The following VEGFC variants were observed in gnomAD, a reference collection of about 807,000 sequenced individuals.
VEGFC encodes the protein FLT4 ligand DHM.
Under a neutral mutation model 46.1 loss-of-function variants are expected in VEGFC, and 12 were observed. That is an observed-to-expected ratio of 0.26 (90% CI 0.17 to 0.42). VEGFC has a LOEUF of 0.42. VEGFC is among the 10% of genes least tolerant of loss of function. VEGFC has a pLI of 1.00. For synonymous variants in VEGFC, 232 were observed against 195.5 expected (o/e 1.19, Z -1.56); for missense variants, 488 against 529.4 (o/e 0.92, Z 0.77).
chr4:176,778,680 C>T (rs6552194), intron 1 of VEGFC, among the ~76,000 whole-genome samples: 15,647 of 152,054 alleles, frequency 0.1, 1,958 homozygotes, highest in African/African-American at 0.29. Flanking sequence ...ATTTACCTCT[C>T]AATTACCACA....
intron 1 of VEGFC, among the ~76,000 whole-genome samples, chr4:176,759,277 T>C (rs1735486742): frequency 6.6e-6 from 1 of 152,104 alleles, no homozygotes; most frequent in Non-Finnish European, 1.5e-5. Flanking sequence ...AAAGGTACTT[T>C]GTTCAACCAT....
At chr4:176,709,180 A>G (rs192490874) in intron 4 of VEGFC, among the ~76,000 whole-genome samples, 26 of 152,330 alleles carry the variant, frequency 1.7e-4, no homozygotes, top group Admixed American at 5.9e-4. Flanking sequence ...ACAAGCATTT[A>G]TGTACATTAT....
intron 1 of VEGFC, among the ~76,000 whole-genome samples, chr4:176,738,975 A>G (rs916134421): frequency 6.6e-6 from 1 of 151,246 alleles, no homozygotes; most frequent in African/African-American, 2.4e-5. Flanking sequence ...TATACCCAGT[A>G]ATGGGATTGC....
intron 3 of VEGFC, among the ~76,000 whole-genome samples, chr4:176,723,888 C>G (rs1285005054): frequency 2.1e-5 from 3 of 143,414 alleles, no homozygotes; most frequent in African/African-American, 7.8e-5. Context: ...CATAGGTAAA[C>G]TTTTATTTTA....
chr4:176,782,546 A>T (rs1321431970), intron 1 of VEGFC, among the ~76,000 whole-genome samples: 2 of 152,074 alleles, frequency 1.3e-5, no homozygotes, highest in Non-Finnish European at 2.9e-5. Context: ...TACTATGAAG[A>T]AAATCACATT....
At chr4:176,709,544 G>A (rs1006938239) in intron 4 of VEGFC, among the ~76,000 whole-genome samples, 5 of 152,168 alleles carry the variant, frequency 3.3e-5, no homozygotes, top group Admixed American at 1.3e-4. Flanking sequence ...CCTGAACTCT[G>A]AGAAATGGAG....
At chr4:176,696,220 T>C (rs1734311390) in intron 4 of VEGFC, among the ~76,000 whole-genome samples, 1 of 149,768 alleles carries the variant, frequency 6.7e-6, no homozygotes, top group Admixed American at 6.7e-5. Flanking sequence ...AACATGATTG[T>C]ATATCTAGAA....
chr4:176,788,786 C>T (rs991416077), intron 1 of VEGFC, among the ~76,000 whole-genome samples: 22 of 151,928 alleles, frequency 1.4e-4, no homozygotes, highest in African/African-American at 4.8e-4. Context: ...CATTCTAAGT[C>T]GGGGACTGTT....
chr4:176,779,271 T>G (rs2110941329), intron 1 of VEGFC, among the ~76,000 whole-genome samples: 1 of 152,318 alleles, frequency 6.6e-6, no homozygotes, highest in East Asian at 1.9e-4. Context: ...CAATATATAG[T>G]ATTTTTTATA....
chr4:176,783,477 T>C (rs1735948371), intron 1 of VEGFC, among the ~76,000 whole-genome samples: 1 of 152,232 alleles, frequency 6.6e-6, no homozygotes, highest in South Asian at 2.1e-4. Context: ...GCATGTTTCA[T>C]TAATAAACAT....
intron 1 of VEGFC, among the ~76,000 whole-genome samples, chr4:176,769,753 C>T (rs1449119115): frequency 6.6e-6 from 1 of 152,032 alleles, no homozygotes; most frequent in African/African-American, 2.4e-5. Context: ...ACTATTTTGC[C>T]CAGTTCACAG....
At chr4:176,766,143 T>C (rs1321907073) in intron 1 of VEGFC, among the ~76,000 whole-genome samples, 2 of 152,172 alleles carry the variant, frequency 1.3e-5, no homozygotes, top group Non-Finnish European at 2.9e-5. Flanking sequence ...GATTATATAA[T>C]AGGATAAATG....
chr4:176,788,777 A>C (rs552604592), intron 1 of VEGFC, among the ~76,000 whole-genome samples: 30 of 152,338 alleles, frequency 2.0e-4, no homozygotes, highest in African/African-American at 7.2e-4. Flanking sequence ...AAATAGAACC[A>C]TTCTAAGTCG....
chr4:176,686,363 A>G (rs1734041708), intron 6 of VEGFC, among the ~76,000 whole-genome samples: 1 of 152,214 alleles, frequency 6.6e-6, no homozygotes, highest in Admixed American at 6.5e-5. Flanking sequence ...AGCAGCTTTG[A>G]AGAGAACAGA....
intron 1 of VEGFC, among the ~76,000 whole-genome samples, chr4:176,737,657 A>T (rs1735079302): frequency 6.6e-6 from 1 of 151,692 alleles, no homozygotes; most frequent in Admixed American, 6.6e-5. Context: ...TTGTAGGATA[A>T]CTGCTTTTCT....
At chr4:176,737,906 A>C (rs1304160373) in intron 1 of VEGFC, among the ~76,000 whole-genome samples, 1 of 151,914 alleles carries the variant, frequency 6.6e-6, no homozygotes, top group Non-Finnish European at 1.5e-5. Flanking sequence ...GTTGCTGAAT[A>C]AAGGTTTAAT....
At chr4:176,753,270 GA>G (rs1182788909) in intron 1 of VEGFC, among the ~76,000 whole-genome samples, 1 of 152,084 alleles carries the variant, frequency 6.6e-6, no homozygotes, top group Non-Finnish European at 1.5e-5. Flanking sequence ...TCCACAGGAT[GA>G]AACACTCAAG....
intron 4 of VEGFC, among the ~76,000 whole-genome samples, chr4:176,691,461 G>A (rs993609755): frequency 6.6e-6 from 1 of 151,920 alleles, no homozygotes; most frequent in East Asian, 1.9e-4. Flanking sequence ...TCCCCCCACC[G>A]ACCCCACCAC....
At position 176,792,507 on chromosome 4, in the gene VEGFC, C is replaced by T. The variant is rs1235775219; in HGVS notation, c.-196G>A. On this transcript the variant is annotated 5_prime_UTR_variant, in exon 1 of 7. Transcript: ENST00000618562. This position sits in a 1 kb window ranked among gnomAD's most constrained non-coding sequence, Gnocchi z 6.3. ...CCAACTTTGCAGGGCGCCCTCCCAG[C>T]CAGTGCCGGGGAAAGGCGGCGGGTG... 3 of 414,922 alleles carry T rather than the reference C, an allele frequency of 7.2e-6. No individual in the cohort carries two copies. The highest frequency in any genetic ancestry group is 1.3e-5 in the Non-Finnish European group (3 of 238,326). 25.7% of individuals were successfully genotyped at this position (414,922 alleles called of 1,614,324 possible). A position where few individuals can be genotyped will look rare whatever the true frequency, so the allele number is the denominator to read the frequency against.
Sources: gnomAD v4.1 joint callset for allele counts (sites outside exome capture counted in the v4.1 genomes callset) on GRCh38, gnomAD v4.1.1 for gene constraint, Gnocchi (gnomAD v3.1) non-coding constraint, MANE v1.5 for transcripts, NCBI Gene and HGNC (gene_info 2026-07-23, HGNC 2026-07-21) for gene names.